The following COP1 variants were observed in gnomAD, a reference collection of about 807,000 sequenced individuals.
The protein encoded by COP1 is COP1 E3 ubiquitin ligase.
A neutral mutation model predicts 101.3 loss-of-function variants in COP1; 24 were observed. The observed-to-expected ratio is 0.24, with a 90% confidence interval of 0.17 to 0.33. COP1 has a LOEUF of 0.33. COP1 is among the 10% of genes least tolerant of loss of function. COP1 has a pLI of 1.00. For missense variants in COP1, 663 were observed against 906.2 expected, an observed-to-expected ratio of 0.73 and a Z score of 3.45; for synonymous variants, 347 against 341.9, an observed-to-expected ratio of 1.01 and a Z score of -0.17.
chr1:175,989,097 C>T (rs1053577566), intron 16 of COP1: 17 of 274,142 alleles, frequency 6.2e-5, no homozygotes, highest in Non-Finnish European at 1.0e-4. Context: ...TGCAATTAAA[C>T]ATAGGAGGAT....
At chr1:175,989,893 T>G (rs1159082146) in intron 15 of COP1, among the ~76,000 whole-genome samples, 1 of 152,152 alleles carries the variant, frequency 6.6e-6, no homozygotes, top group East Asian at 1.9e-4. Context: ...AACCAGCAGT[T>G]CAACTATTAC....
chr1:176,144,064 G>C (rs887340718), intron 6 of COP1, among the ~76,000 whole-genome samples: 2 of 152,058 alleles, frequency 1.3e-5, no homozygotes, highest in Non-Finnish European at 2.9e-5. Flanking sequence ...AGGATGCCCC[G>C]CTATCACCAC....
chr1:175,968,322 T>C, intron 18 of COP1: 1 of 353,600 alleles, frequency 2.8e-6, no homozygotes, highest in Non-Finnish European at 5.7e-6. Context: ...ATTTAAAAAA[T>C]AATACAGTAC....
intron 15 of COP1, among the ~76,000 whole-genome samples, chr1:176,001,505 TA>T (rs1276593060): frequency 6.6e-6 from 1 of 152,066 alleles, no homozygotes; most frequent in Non-Finnish European, 1.5e-5. Context: ...TACAGTGATG[TA>T]AAAATAATAA....
At chr1:176,154,964 G>A (rs1693223991) in intron 5 of COP1, among the ~76,000 whole-genome samples, 1 of 151,960 alleles carries the variant, frequency 6.6e-6, no homozygotes. Context: ...TAGACATAAA[G>A]AACAAATCCT....
chr1:176,063,261 C>T (rs1675306833), intron 11 of COP1, among the ~76,000 whole-genome samples: 1 of 151,752 alleles, frequency 6.6e-6, no homozygotes, highest in African/African-American at 2.4e-5. Context: ...GGGGTTTCAC[C>T]TTGTTAGCCA....
chr1:176,176,459 T>A (rs1015327799), intron 2 of COP1, among the ~76,000 whole-genome samples: 19 of 152,138 alleles, frequency 1.2e-4, no homozygotes, highest in Admixed American at 7.9e-4. Flanking sequence ...AAAACCATCA[T>A]CTTCACGAGT....
chr1:176,066,904 C>G (rs1676088994), intron 11 of COP1, among the ~76,000 whole-genome samples: 1 of 152,006 alleles, frequency 6.6e-6, no homozygotes. Context: ...AGTTGGTTAC[C>G]AGCTGTTTTC....
intron 3 of COP1, among the ~76,000 whole-genome samples, chr1:176,172,986 G>C (rs189918676): frequency 5.3e-5 from 8 of 152,120 alleles, no homozygotes; most frequent in African/African-American, 1.9e-4. Flanking sequence ...AGCTGCACTA[G>C]AGATCACCGT....
At chr1:176,113,874 C>A (rs957867613) in intron 9 of COP1, among the ~76,000 whole-genome samples, 1 of 150,568 alleles carries the variant, frequency 6.6e-6, no homozygotes, top group Non-Finnish European at 1.5e-5. Flanking sequence ...TCTAGGAGCA[C>A]AGAAGACTAC....
intron 9 of COP1, among the ~76,000 whole-genome samples, chr1:176,086,639 G>T (rs1013460114): frequency 4.6e-5 from 7 of 151,704 alleles, no homozygotes; most frequent in Admixed American, 4.6e-4. Context: ...AACATTCCAT[G>T]CTCATGGATA....
chr1:175,972,483 T>TTTTTTTTTTTTTTTA (rs1553281799), intron 18 of COP1, among the ~76,000 whole-genome samples: 17 of 150,012 alleles, frequency 1.1e-4, no homozygotes, highest in African/African-American at 4.2e-4. Context: ...TTTTTTTTTT[T>TTTTTTTTTTTTTTTA]GAGACAGAGT....
chr1:176,016,084 T>A (rs777194791), intron 15 of COP1, among the ~76,000 whole-genome samples: 1 of 152,158 alleles, frequency 6.6e-6, no homozygotes, highest in Non-Finnish European at 1.5e-5. Context: ...TTCTGGATGT[T>A]AAGTTTGAGG....
intron 6 of COP1, 125 bp downstream of exon 6, chr1:176,148,881 C>T (rs184846611): frequency 3.4e-6 from 2 of 583,772 alleles, no homozygotes; most frequent in Admixed American, 3.6e-5. Context: ...TTAAGGAAAC[C>T]TCCTAAAAAT....
rs1048460288 is a variant in COP1, at chr1:175,949,127, C to A, written c.2134-1888G>T. Reference sequence around the variant, plus strand: ...GCAGTGAGCAAAGATTGCACCACTGCACTCCAGCCTGGCTGGAGAGACTCC... The same window carrying A: ...GCAGTGAGCAAAGATTGCACCACTGAACTCCAGCCTGGCTGGAGAGACTCC... On this transcript the variant is annotated intron_variant, in intron 18 of 19. Transcript: ENST00000367669. Among the ~76,000 whole-genome samples, 4 of 133,162 alleles carry A rather than the reference C, an allele frequency of 3.0e-5. No homozygotes were observed. The East Asian group carries it at 8.9e-4, about 30-fold the overall frequency. The allele number at this position is 133,162 out of a possible 152,430, so 87.4% of individuals were successfully genotyped here.
chr1:175,996,503 C>T (rs371839739), intron 15 of COP1, among the ~76,000 whole-genome samples: 358 of 150,184 alleles, frequency 2.4e-3, no homozygotes, highest in African/African-American at 8.3e-3. Flanking sequence ...AAAACCCCAT[C>T]GTCTCAGCCC....
chr1:175,959,562 C>A (rs1040526169), intron 18 of COP1, among the ~76,000 whole-genome samples: 1 of 151,800 alleles, frequency 6.6e-6, no homozygotes, highest in African/African-American at 2.4e-5. Context: ...ATCCAAGGAA[C>A]GTAGAAATGA....
chr1:176,064,250 G>GA (rs1280589413), intron 11 of COP1, among the ~76,000 whole-genome samples: 1 of 151,846 alleles, frequency 6.6e-6, no homozygotes, highest in African/African-American at 2.4e-5. Context: ...CCAAAAAACT[G>GA]AAAAATTGCC....
intron 15 of COP1, among the ~76,000 whole-genome samples, chr1:176,023,313 A>G (rs1463295777): frequency 6.6e-6 from 1 of 152,256 alleles, no homozygotes; most frequent in Non-Finnish European, 1.5e-5. Context: ...ACATAATTAT[A>G]GTGGAATGAA....
Sources: gnomAD v4.1 joint callset for allele counts (sites outside exome capture counted in the v4.1 genomes callset) on GRCh38, gnomAD v4.1.1 for gene constraint, MANE v1.5 for transcripts, NCBI Gene and HGNC (gene_info 2026-07-23, HGNC 2026-07-21) for gene names.